Variants in TRIML2 observed in about 807,000 individuals in gnomAD.
TRIML2 encodes tripartite motif family like 2.
In TRIML2, 28 loss-of-function variants were observed where a neutral mutation model predicts 31.2. The observed-to-expected ratio is 0.90, with a 90% CI of 0.66 to 1.23. The LOEUF (loss-of-function observed/expected upper bound fraction) is 1.23, where lower values mean the gene tolerates loss of function less well. Among genes scored for constraint, TRIML2 ranks in the 50% most tolerant of loss-of-function variants. TRIML2 has a pLI of 0.00. For synonymous variants in TRIML2, 187 were observed against 197.5 expected, an observed-to-expected ratio of 0.95 and a Z score of 0.45; for missense variants, 536 against 528.3, an observed-to-expected ratio of 1.01 and a Z score of -0.14.
In TRIML2 at chr4:188,101,192, A is replaced by T; in HGVS notation, c.344T>A (p.Leu115Ter). ...ATTCTGCTCACACTCTTCATTCAAC[A>T]ACCGGAGTCTCATACTATACTCAGA... ...IESEYSMRLRLLNEECEQNLQ... is the reference protein window; with the variant it reads ...IESEYSMRLR The change falls in exon 4 of 8, where the codon TTG becomes TAG. Residue 115 changes from leucine to a stop codon, truncating the protein, a stop_gained. Coordinates refer to ENST00000682553, the MANE Select transcript of TRIML2 (RefSeq NM_173553.4). LOFTEE classifies it high-confidence loss of function. 1.2e-6 allele frequency: 2 copies of T among 1,613,738 alleles called. No individual in the cohort carries two copies. The highest frequency in any genetic ancestry group is 1.7e-6 in the Non-Finnish European group (2 of 1,179,994).
chr4:188,096,174 G>C (rs1733501208), intron 7 of TRIML2, among the ~76,000 whole-genome samples: 1 of 151,996 alleles, frequency 6.6e-6, no homozygotes, highest in African/African-American at 2.4e-5. Flanking sequence ...TGAGGCGCGT[G>C]GATCACCTGA....
At chr4:188,102,129 TAAAAAAA>T (rs141783514) in intron 3 of TRIML2, among the ~76,000 whole-genome samples, 10 of 106,304 alleles carry the variant, frequency 9.4e-5, no homozygotes, top group Non-Finnish European at 1.4e-4. Flanking sequence ...GACTCCATCT[TAAAAAAA>T]AAAAAAAAAA....
rs192807854 is a variant in TRIML2 at position 188,093,263 on chromosome 4, A to G, written c.746-1322T>C. Among the ~76,000 whole-genome samples the G allele has an allele frequency of 1.2e-3, 176 of 152,296 alleles. 1 individual carries two copies. Among genetic ancestry groups the G allele is most frequent in the Middle Eastern group, 6.8e-3 (2 of 294 alleles). On this transcript the variant is annotated intron_variant, in intron 7 of 7. Coordinates refer to ENST00000682553, the MANE Select transcript of TRIML2 (RefSeq NM_173553.4). ...CTTAAATCTCTGAATTTGAAGCCCA[A>G]TTCACATTATTAGGGTGGTCTCAAC...
intron 4 of TRIML2, among the ~76,000 whole-genome samples, chr4:188,100,833 A>G (rs1258536912): frequency 6.6e-6 from 1 of 152,196 alleles, no homozygotes; most frequent in Non-Finnish European, 1.5e-5. Flanking sequence ...AGCATAATAC[A>G]GTAATATGTG....
At chr4:188,099,300 C>T in intron 4 of TRIML2, 125 bp from the exon 5 acceptor site, 3 of 1,263,652 alleles carry the variant, frequency 2.4e-6, no homozygotes, top group Non-Finnish European at 3.2e-6. Flanking sequence ...GGCGCAGTGG[C>T]TCACGCCTGT....
intron 7 of TRIML2, among the ~76,000 whole-genome samples, chr4:188,094,103 C>CAA (rs763257911): frequency 1.4e-5 from 2 of 143,398 alleles, no homozygotes; most frequent in African/African-American, 5.3e-5. Context: ...AAAACAAAAA[C>CAA]AAAAACAAAA....
chr4:188,107,921 C>T (rs1022702091), intron 1 of TRIML2, among the ~76,000 whole-genome samples: 1 of 152,004 alleles, frequency 6.6e-6, no homozygotes, highest in Non-Finnish European at 1.5e-5. Flanking sequence ...CTTTGAAATC[C>T]CTGCTGGTTT....
At chr4:188,096,364 A>G (rs10017588) in intron 7 of TRIML2, among the ~76,000 whole-genome samples, 8,382 of 151,122 alleles carry the variant, frequency 0.055, 372 homozygotes, top group African/African-American at 0.12. Flanking sequence ...GTAAGACCTC[A>G]TCTCTACTAT....
At chr4:188,093,296 C>A (rs1288372758) in intron 7 of TRIML2, among the ~76,000 whole-genome samples, 1 of 152,198 alleles carries the variant, frequency 6.6e-6, no homozygotes, top group Non-Finnish European at 1.5e-5. Context: ...AACAGCTACA[C>A]GTCTTGAATT....
chr4:188,091,818 C>T lies in TRIML2; in HGVS notation c.869G>A (p.Ser290Asn), dbSNP rs772360955. Reference protein sequence around the residue: ...GAGNPERLDFSAMVLAAESFT... With the variant: ...GAGNPERLDFNAMVLAAESFT... ...GCTCTCCGCAGCCAGCACCATGGCA[C>T]TGAAATCCAATCTTTCTGGGTTGCC... Residue 290 changes from serine (S) to asparagine (N), a missense_variant, in exon 8 of 8, where the codon AGT (serine) becomes AAT (asparagine). Ser to Asn is a conservative substitution (Grantham distance 46). Coordinates refer to ENST00000682553, the MANE Select transcript of TRIML2 (RefSeq NM_173553.4). 6.2e-7 allele frequency: 1 copy of T among 1,614,192 alleles called. No homozygotes were observed. Among genetic ancestry groups the T allele is most frequent in the Non-Finnish European group, 8.5e-7 (1 of 1,180,050 alleles).
At chr4:188,098,223 T>C (rs1733613430) in intron 5 of TRIML2, 2 of 455,122 alleles carry the variant, frequency 4.4e-6, no homozygotes, top group Non-Finnish European at 4.4e-6. Flanking sequence ...GAGTAGCTTC[T>C]GCACAGCAGA....
intron 3 of TRIML2, among the ~76,000 whole-genome samples, chr4:188,104,537 A>G (rs913234085): frequency 6.6e-6 from 1 of 151,354 alleles, no homozygotes; most frequent in African/African-American, 2.4e-5. Context: ...TAATTTTTGT[A>G]TTTTTAGTAG....
chr4:188,094,109 C>A (rs865906439), intron 7 of TRIML2, among the ~76,000 whole-genome samples: 2,173 of 142,968 alleles, frequency 0.015, 110 homozygotes, highest in African/African-American at 0.057. Flanking sequence ...AAAACAAAAA[C>A]AAAAACAAAA....
At chr4:188,096,874 C>A (rs1355602297) in intron 7 of TRIML2, among the ~76,000 whole-genome samples, 187 bp downstream of exon 7, 1 of 152,038 alleles carries the variant, frequency 6.6e-6, no homozygotes, top group African/African-American at 2.4e-5. Flanking sequence ...TTAGGCTGGT[C>A]TCGAACTCCT....
intron 3 of TRIML2, among the ~76,000 whole-genome samples, chr4:188,101,947 G>A (rs1310786679): frequency 4.6e-5 from 7 of 151,576 alleles, no homozygotes; most frequent in African/African-American, 1.5e-4. Context: ...TGGCTAACAC[G>A]GTGAAACCCC....
At chr4:188,106,118 C>G (rs993419688) in intron 1 of TRIML2, 2 of 151,922 alleles carry the variant, frequency 1.3e-5, no homozygotes, top group Non-Finnish European at 2.9e-5. Flanking sequence ...GGCGCGATCT[C>G]GGCTCCCTGC....
chr4:188,108,395 A>G (rs1734126422), intron 1 of TRIML2, among the ~76,000 whole-genome samples: 2 of 152,212 alleles, frequency 1.3e-5, no homozygotes, highest in African/African-American at 4.8e-5. Context: ...TTAGAGCCAC[A>G]GTTTAAGCCT....
chr4:188,104,794 A>T, intron 3 of TRIML2, 43 bp downstream of exon 3: 1 of 1,433,162 alleles, frequency 7.0e-7, no homozygotes, highest in Non-Finnish European at 9.8e-7. Context: ...TAACAACATT[A>T]CTGGTAATTT....
At chr4:188,100,450 C>T (rs530779416) in intron 4 of TRIML2, among the ~76,000 whole-genome samples, 2 of 152,224 alleles carry the variant, frequency 1.3e-5, no homozygotes, top group African/African-American at 2.4e-5. Context: ...AGGCCGGGCG[C>T]GGTGGCTCAC....
Sources: gnomAD v4.1 joint callset for allele counts (sites outside exome capture counted in the v4.1 genomes callset) on GRCh38, gnomAD v4.1.1 for gene constraint, MANE v1.5 for transcripts, NCBI Gene and HGNC (gene_info 2026-07-23, HGNC 2026-07-21) for gene names.